The following ITGA4 variants were observed in gnomAD, a reference collection of about 807,000 sequenced individuals.
The protein encoded by ITGA4 is integrin subunit alpha 4.
In ITGA4, 63 loss-of-function variants were observed where a neutral mutation model predicts 133.6. The observed-to-expected ratio is 0.47, with a 90% CI of 0.38 to 0.58. The LOEUF (loss-of-function observed/expected upper bound fraction) is 0.58. ITGA4 is among the 20% of genes least tolerant of loss of function. The probability of loss-of-function intolerance (pLI) is 0.00; values close to 1 mark genes in which losing one functional copy is unlikely to be tolerated. For synonymous variants in ITGA4, 483 were observed against 438.0 expected, an observed-to-expected ratio of 1.10 and a Z score of -1.28; for missense variants, 1,076 against 1,252.7, an observed-to-expected ratio of 0.86 and a Z score of 2.13.
rs754555803 is a variant in ITGA4 at position 181,527,369 on chromosome 2, A to G, written c.2412A>G (p.Lys804=). 1.2e-6 allele frequency: 2 copies of G among 1,609,066 alleles called. No homozygotes were observed. The highest frequency in any genetic ancestry group is 1.6e-4 in the Middle Eastern group (1 of 6,074). ...AGCCTGAAACGTGCATGGTGGAGAA[A>G]ATGAACTTAACTTTCCATGTAAGAA... The part of the protein sequence containing the change: ...ENEPETCMVE[K]MNLTFHVINT... The change falls in exon 22 of 28, where the codon AAA becomes AAG. Residue 804 remains lysine, a synonymous_variant. Transcript: ENST00000397033.
At chr2:181,505,488 G>A (rs141096759) in intron 15 of ITGA4, among the ~76,000 whole-genome samples, 164 of 152,168 alleles carry the variant, frequency 1.1e-3, no homozygotes, top group African/African-American at 3.0e-3. Context: ...CCATAAAAAT[G>A]TGGCATGGAA....
At chr2:181,517,421 A>G (rs374841760) in intron 17 of ITGA4, among the ~76,000 whole-genome samples, 23 of 152,104 alleles carry the variant, frequency 1.5e-4, no homozygotes, top group African/African-American at 5.3e-4. Context: ...TCATTTTTCT[A>G]TTTTTCCTCT....
At chr2:181,476,452 T>G (rs1044280310) in intron 4 of ITGA4, among the ~76,000 whole-genome samples, 9 of 152,162 alleles carry the variant, frequency 5.9e-5, no homozygotes, top group South Asian at 2.1e-4. Flanking sequence ...ACCAATTTAT[T>G]GAAGTTTTCT....
rs1685646934 is a variant in ITGA4 at position 181,475,182 on chromosome 2, T to C, written c.450T>C (p.Asn150=). The change falls in exon 4 of 28, where the codon AAT becomes AAC. Residue 150 remains asparagine (N), a synonymous_variant. Transcript: ENST00000397033. ...AGACTTGTGGGCATAGATGGAAAAA[T>C]ATATTTTACATAAAGAATGAAAATA... ...SIVTCGHRWK[N]IFYIKNENKL... 1.9e-6 allele frequency: 3 copies of C among 1,613,526 alleles called. No individual in the cohort carries two copies. Among genetic ancestry groups the C allele is most frequent in the Non-Finnish European group, 2.5e-6 (3 of 1,179,546 alleles).
chr2:181,493,658 T>C (rs1686101696), intron 11 of ITGA4, among the ~76,000 whole-genome samples: 1 of 152,228 alleles, frequency 6.6e-6, no homozygotes, highest in Non-Finnish European at 1.5e-5. Flanking sequence ...TATAGCCCAT[T>C]AAAGATTTCT....
At chr2:181,497,297 A>T (rs1686175844) in intron 14 of ITGA4, among the ~76,000 whole-genome samples, 1 of 152,244 alleles carries the variant, frequency 6.6e-6, no homozygotes, top group Admixed American at 6.5e-5. Flanking sequence ...AATAATCATC[A>T]CATTATTGGA....
Position 181,457,453 on chromosome 2 carries a change from C to G in ITGA4, c.-202C>G, listed in dbSNP as rs991227647. 3 of 540,552 alleles carry G rather than the reference C, an allele frequency of 5.5e-6. No individual in the cohort carries two copies. Among genetic ancestry groups the G allele is most frequent in the Admixed American group, 3.7e-5 (1 of 26,948 alleles). 33.5% of individuals were successfully genotyped at this position (540,552 alleles called of 1,614,324 possible). ...CCGGGAGTGGGGCCGGGCGAGTGCG[C>G]GGCATCCCAGGCCGGCCCGAACGCT... On this transcript the variant is annotated 5_prime_UTR_variant, in exon 1 of 28. Transcript: ENST00000397033.
intron 27 of ITGA4, 30 bp downstream of exon 27, chr2:181,534,965 C>T (rs925744217): frequency 6.5e-7 from 1 of 1,530,994 alleles, no homozygotes; most frequent in African/African-American, 1.4e-5. Context: ...CAACATTAGT[C>T]TACTAAAAAT....
At position 181,495,424 on chromosome 2, in the gene ITGA4, T is replaced by G. The variant is rs372891815; in HGVS notation, c.1385+8T>G. 5.0e-6 allele frequency: 8 copies of G among 1,595,320 alleles called. No homozygotes were observed. In the African/African-American group the frequency reaches 9.4e-5, roughly 19 times the overall value. ...TTCTGCTGTCTTGCTAAGGTAAGAC[T>G]GATATATTTCACTGCTTAATTGCAA... On this transcript the variant is annotated splice_region_variant and intron_variant, in intron 13 of 27. Transcript: ENST00000397033. The surrounding 1 kb of genome is among the most constrained non-coding windows in gnomAD (Gnocchi z 4.3).
intron 12 of ITGA4, 131 bp downstream of exon 12, chr2:181,494,943 G>T (rs751989377): frequency 2.3e-5 from 14 of 601,242 alleles, no homozygotes; most frequent in Non-Finnish European, 3.8e-5. Flanking sequence ...CATTTTTAAA[G>T]TTCTCCTTAA....
chr2:181,489,990 T>TA (rs1208097231), intron 10 of ITGA4, among the ~76,000 whole-genome samples: 9 of 151,956 alleles, frequency 5.9e-5, no homozygotes, highest in Admixed American at 5.9e-4. Flanking sequence ...CTCACAACTC[T>TA]AAGGGGGTGC....
At chr2:181,509,232 A>G (rs919399586) in intron 15 of ITGA4, among the ~76,000 whole-genome samples, 4 of 151,224 alleles carry the variant, frequency 2.6e-5, no homozygotes, top group African/African-American at 9.7e-5. Context: ...ATCAAATTCA[A>G]TCAAAATGTT....
At chr2:181,507,208 C>T (rs1686411123) in intron 15 of ITGA4, among the ~76,000 whole-genome samples, 1 of 152,094 alleles carries the variant, frequency 6.6e-6, no homozygotes. Flanking sequence ...TAGATTTTCT[C>T]CACTTGTTTC....
chr2:181,523,463 C>T lies in ITGA4; in HGVS notation c.2100C>T (p.Val700=), dbSNP rs1291070207. 6.2e-7 allele frequency: 1 copy of T among 1,608,600 alleles called. No individual in the cohort carries two copies. The highest frequency in any genetic ancestry group is 8.5e-7 in the Non-Finnish European group (1 of 1,175,352). ...AAGAGAAGCAAATAAACTGTGAAGT[C>T]ACAGATAACTCTGGCGTGGTACAAC... The part of the protein sequence containing the change: ...ELEEKQINCE[V]TDNSGVVQLD... Residue 700 remains valine, a synonymous_variant, in exon 19 of 28, where the codon GTC becomes GTT. Transcript: ENST00000397033. The surrounding 1 kb of genome is among the most constrained non-coding windows in gnomAD (Gnocchi z 4.2).
At chr2:181,506,805 C>T (rs573637591) in intron 15 of ITGA4, among the ~76,000 whole-genome samples, 45 of 152,034 alleles carry the variant, frequency 3.0e-4, no homozygotes, top group African/African-American at 9.4e-4. Flanking sequence ...TGCTTTGGGG[C>T]AGTAATGTTT....
rs1256187416 is a variant in ITGA4, at chr2:181,457,402, C to T, written c.-253C>T. ...GTACCCGGAGAAGCAGCGCGAGCAC[C>T]CGAAGCTCCCGGCTGGCGGCAGAAA... is the stretch of plus-strand genomic sequence containing the variant. On this transcript the variant is annotated 5_prime_UTR_variant, in exon 1 of 28. Coordinates refer to ENST00000397033, the MANE Select transcript of ITGA4 (RefSeq NM_000885.6). The T allele has an allele frequency of 4.4e-6, 2 of 455,046 alleles. No homozygotes were observed. Among genetic ancestry groups the T allele is most frequent in the Middle Eastern group, 5.9e-4 (1 of 1,708 alleles). The allele number at this position is 455,046 out of a possible 1,614,324, so 28.2% of individuals were successfully genotyped here.
intron 2 of ITGA4, chr2:181,458,789 A>T (rs1240695708): frequency 6.4e-6 from 1 of 157,234 alleles, no homozygotes; most frequent in East Asian, 1.8e-4. Context: ...TAAAAAAAAA[A>T]GTGATAGTTT....
At chr2:181,520,254 CAG>C (rs1686690255) in intron 17 of ITGA4, among the ~76,000 whole-genome samples, 1 of 152,096 alleles carries the variant, frequency 6.6e-6, no homozygotes, top group Non-Finnish European at 1.5e-5. Flanking sequence ...AAGTACACGT[CAG>C]ATGCATGAAG....
intron 15 of ITGA4, among the ~76,000 whole-genome samples, chr2:181,508,189 CAATG>C (rs887842051): frequency 1.3e-5 from 2 of 150,640 alleles, no homozygotes; most frequent in Non-Finnish European, 3.0e-5. Flanking sequence ...AGACAGAAGA[CAATG>C]AATTTTAAAA....
Sources: gnomAD v4.1 joint callset for allele counts (sites outside exome capture counted in the v4.1 genomes callset) on GRCh38, gnomAD v4.1.1 for gene constraint, Gnocchi (gnomAD v3.1) non-coding constraint, MANE v1.5 for transcripts, NCBI Gene and HGNC (gene_info 2026-07-23, HGNC 2026-07-21) for gene names.